Variants in WWOX observed in about 807,000 individuals in gnomAD.
WWOX encodes WW domain containing oxidoreductase.
WWOX carries 69 observed loss-of-function variants against 46.2 expected under a neutral mutation model. That is an observed-to-expected ratio of 1.49 (90% CI 1.23 to 1.82). WWOX has a LOEUF of 1.82. Ranked by LOEUF, WWOX falls within the 40% of genes most tolerant of loss-of-function variation. The pLI is 0.00. For missense variants in WWOX, 919 were observed against 542.6 expected (o/e 1.69, Z -6.89); for synonymous variants, 359 against 202.6 (o/e 1.77, Z -6.56).
chr16:78,225,985 C>CAA (rs2037041304), intron 5 of WWOX, among the ~76,000 whole-genome samples: 1 of 152,120 alleles, frequency 6.6e-6, no homozygotes, highest in Non-Finnish European at 1.5e-5. Flanking sequence ...TATTCTAATA[C>CAA]TGCTATTCCT....
chr16:79,212,283 G>GAGCCAGCTTA lies in WWOX; in HGVS notation c.*488_*497dup. On this transcript the variant is annotated 3_prime_UTR_variant, in exon 9 of 9. Coordinates refer to ENST00000566780, the MANE Select transcript of WWOX (RefSeq NM_016373.4). ...TGTTTCATTCATCCTGACCAAGACT[G>GAGCCAGCTTA]AGCCAGCTTAGCAACTGCTGGGGAG... 8.6e-7 allele frequency: 1 copy of GAGCCAGCTTA among 1,165,858 alleles called. No individual in the cohort carries two copies. Among genetic ancestry groups the GAGCCAGCTTA allele is most frequent in the Non-Finnish European group, 1.2e-6 (1 of 858,052 alleles). 72.2% of individuals were successfully genotyped at this position (1,165,858 alleles called of 1,614,324 possible). A position where few individuals can be genotyped will look rare whatever the true frequency, so the allele number is the denominator to read the frequency against.
rs1447005774 is a variant in WWOX, at chr16:79,212,065, G to A, written c.*269G>A. The A allele has an allele frequency of 4.8e-5, 74 of 1,536,354 alleles. No individual in the cohort carries two copies. Among genetic ancestry groups the A allele is most frequent in the Non-Finnish European group, 4.9e-5 (56 of 1,146,956 alleles). ...GTTTGAAAGTAAAAACCTGCTTGGT[G>A]TGTAGGTTCCGTATCTCCCTGGAGA... is the stretch of plus-strand genomic sequence containing the variant. On this transcript the variant is annotated 3_prime_UTR_variant, in exon 9 of 9. Transcript: ENST00000566780.
chr16:78,705,095 C>T (rs1437484500), intron 8 of WWOX, among the ~76,000 whole-genome samples: 5 of 151,980 alleles, frequency 3.3e-5, no homozygotes, highest in African/African-American at 1.2e-4. Context: ...TTAGTTATTC[C>T]TTTTTAGTGC....
intron 8 of WWOX, among the ~76,000 whole-genome samples, chr16:78,843,751 C>A (rs926445698): frequency 2.0e-5 from 3 of 152,186 alleles, no homozygotes; most frequent in Admixed American, 2.0e-4. Context: ...ATAACTGTTG[C>A]ATCAAATATT....
intron 8 of WWOX, among the ~76,000 whole-genome samples, chr16:78,587,430 ACT>A (rs1212726749): frequency 6.6e-6 from 1 of 151,802 alleles, no homozygotes; most frequent in African/African-American, 2.4e-5. Context: ...CAATTCAGCA[ACT>A]CTCTTACAGA....
At chr16:78,480,417 T>C (rs1336610612) in intron 8 of WWOX, among the ~76,000 whole-genome samples, 1 of 152,240 alleles carries the variant, frequency 6.6e-6, no homozygotes, top group Non-Finnish European at 1.5e-5. Context: ...AACACATTTA[T>C]TGGGTGGCAG....
At chr16:78,576,188 A>G (rs1266621404) in intron 8 of WWOX, among the ~76,000 whole-genome samples, 1 of 152,228 alleles carries the variant, frequency 6.6e-6, no homozygotes, top group African/African-American at 2.4e-5. Flanking sequence ...GAAAGGGAAG[A>G]AGTAATCACC....
At chr16:78,411,477 G>T (rs957350923) in intron 6 of WWOX, among the ~76,000 whole-genome samples, 3 of 152,156 alleles carry the variant, frequency 2.0e-5, no homozygotes, top group African/African-American at 7.2e-5. Context: ...ACTTAATCAA[G>T]TGAGGGGCGT....
intron 8 of WWOX, among the ~76,000 whole-genome samples, chr16:78,826,240 G>C (rs745332116): frequency 7.2e-5 from 11 of 152,164 alleles, no homozygotes; most frequent in Non-Finnish European, 1.5e-4. Context: ...CAGCTACTTG[G>C]GAGGCTGAGG....
chr16:79,119,189 TTA>T (rs1491417191), intron 8 of WWOX, among the ~76,000 whole-genome samples: 3 of 124,710 alleles, frequency 2.4e-5, no homozygotes, highest in African/African-American at 1.1e-4. Context: ...TGAGTGCTCA[TTA>T]AAAAAAAAAA....
At chr16:78,830,889 C>T (rs969873080) in intron 8 of WWOX, among the ~76,000 whole-genome samples, 1 of 152,116 alleles carries the variant, frequency 6.6e-6, no homozygotes, top group Non-Finnish European at 1.5e-5. Context: ...CCTCTATAGC[C>T]ATCAGGTCAG....
intron 5 of WWOX, among the ~76,000 whole-genome samples, chr16:78,198,707 C>A (rs963868597): frequency 5.9e-5 from 9 of 152,194 alleles, no homozygotes; most frequent in African/African-American, 1.9e-4. Context: ...TACCATCTTC[C>A]CTAGTTGTAT....
chr16:78,651,228 G>T (rs1383697795), intron 8 of WWOX, among the ~76,000 whole-genome samples: 2 of 152,250 alleles, frequency 1.3e-5, no homozygotes, highest in African/African-American at 2.4e-5. Flanking sequence ...TTTCACGTGT[G>T]TGCATCCCTG....
chr16:78,717,772 A>G (rs1046104733), intron 8 of WWOX, among the ~76,000 whole-genome samples: 2 of 152,126 alleles, frequency 1.3e-5, no homozygotes, highest in Admixed American at 6.6e-5. Flanking sequence ...ATTAGGATGG[A>G]GGTAGGTGGG....
At position 79,176,315 on chromosome 16, in the gene WWOX, A is replaced by G. The variant is rs1449436179; in HGVS notation, c.1057-35293A>G. Among the ~76,000 whole-genome samples the G allele has an allele frequency of 1.4e-4, 21 of 152,186 alleles. 1 individual carries two copies. Among genetic ancestry groups the G allele is most frequent in the Non-Finnish European group, 7.3e-5 (5 of 68,048 alleles). ...TAGTGGTTCCATTCTCCCTGCTGAT[A>G]TCTGCATCCAGTCATCTGGTATTTC... On this transcript the variant is annotated intron_variant, in intron 8 of 8. Transcript: ENST00000566780.
chr16:79,028,152 T>TG (rs1204980765), intron 8 of WWOX, among the ~76,000 whole-genome samples: 1 of 151,662 alleles, frequency 6.6e-6, no homozygotes, highest in Non-Finnish European at 1.5e-5. Context: ...GGTTTCACCG[T>TG]GTTACCCAGG....
intron 8 of WWOX, among the ~76,000 whole-genome samples, chr16:78,920,493 G>T (rs2045353991): frequency 6.6e-6 from 1 of 152,144 alleles, no homozygotes; most frequent in Non-Finnish European, 1.5e-5. Context: ...AGGAACTGCT[G>T]CCTGCATCCC....
intron 5 of WWOX, among the ~76,000 whole-genome samples, chr16:78,165,240 A>G (rs2034932968): frequency 6.6e-6 from 1 of 152,256 alleles, no homozygotes; most frequent in Non-Finnish European, 1.5e-5. Context: ...AATGAAGTCC[A>G]GACTGCATTC....
chr16:78,680,041 C>T (rs1229630118), intron 8 of WWOX, among the ~76,000 whole-genome samples: 1 of 152,206 alleles, frequency 6.6e-6, no homozygotes, highest in Non-Finnish European at 1.5e-5. Flanking sequence ...CTCTGCAAGC[C>T]TCAGTTTTCT....
Sources: gnomAD v4.1 joint callset for allele counts (sites outside exome capture counted in the v4.1 genomes callset) on GRCh38, gnomAD v4.1.1 for gene constraint, MANE v1.5 for transcripts, NCBI Gene and HGNC (gene_info 2026-07-23, HGNC 2026-07-21) for gene names.